The following SUGCT variants were observed in gnomAD, a reference collection of about 807,000 sequenced individuals.
SUGCT encodes the protein succinyl-CoA:glutarate CoA-transferase.
SUGCT carries 41 observed loss-of-function variants against 55.0 expected under a neutral mutation model. That is an observed-to-expected ratio of 0.74 (90% CI 0.58 to 0.97). SUGCT has a LOEUF of 0.97. Ranked by LOEUF, SUGCT falls within the 50% of genes least tolerant of loss-of-function variation. SUGCT has a pLI of 0.00. For missense variants in SUGCT, 568 were observed against 547.8 expected (o/e 1.04, Z -0.37); for synonymous variants, 187 against 200.4 (o/e 0.93, Z 0.56).
chr7:40,908,339 C>T, the SUGCT span, among the ~76,000 whole-genome samples: 5 of 147,256 alleles, frequency 3.4e-5, no homozygotes, highest in South Asian at 2.2e-4. Flanking sequence ...GCTGAGATCA[C>T]GCCACTGCAT....
the SUGCT span, among the ~76,000 whole-genome samples, chr7:40,967,770 G>A: frequency 2.0e-5 from 3 of 151,464 alleles, no homozygotes; most frequent in East Asian, 1.9e-4. Flanking sequence ...AGAGGTGCCC[G>A]CCACCACGCC....
chr7:40,365,969 CA>C (rs1435523922), intron 9 of SUGCT, among the ~76,000 whole-genome samples: 1 of 152,108 alleles, frequency 6.6e-6, no homozygotes, highest in African/African-American at 2.4e-5. Context: ...AATCCTAAGC[CA>C]AAAGAACAAA....
chr7:40,677,710 A>G (rs1299264153), intron 12 of SUGCT, among the ~76,000 whole-genome samples: 1 of 152,240 alleles, frequency 6.6e-6, no homozygotes, highest in African/African-American at 2.4e-5. Context: ...AAAGATCTCT[A>G]TAGCAGGAGT....
At chr7:40,148,721 A>G (rs117388386) in intron 1 of SUGCT, among the ~76,000 whole-genome samples, 1,547 of 152,302 alleles carry the variant, frequency 0.01, 13 homozygotes, top group Non-Finnish European at 0.016. Context: ...CTCCTATACC[A>G]TCTTGAAGTT....
the SUGCT span, among the ~76,000 whole-genome samples, chr7:40,920,939 G>C: frequency 6.6e-6 from 1 of 152,254 alleles, no homozygotes; most frequent in Non-Finnish European, 1.5e-5. Flanking sequence ...TTAAATTGCA[G>C]TCCCATTGCT....
At chr7:40,153,548 C>A in intron 1 of SUGCT, 1 of 450,942 alleles carries the variant, frequency 2.2e-6, no homozygotes, top group Non-Finnish European at 4.3e-6. Context: ...CATTTTGGAC[C>A]TATGGGCACA....
intron 9 of SUGCT, among the ~76,000 whole-genome samples, chr7:40,337,959 C>G (rs1435363380): frequency 2.0e-5 from 3 of 152,058 alleles, no homozygotes; most frequent in Non-Finnish European, 4.4e-5. Context: ...GACAAAATCT[C>G]TCAGCATTTG....
intron 1 of SUGCT, among the ~76,000 whole-genome samples, chr7:40,144,041 T>C (rs1788120599): frequency 2.0e-5 from 3 of 152,188 alleles, no homozygotes; most frequent in African/African-American, 4.8e-5. Flanking sequence ...TCTTTAGTGG[T>C]CCACAGAATG....
At chr7:40,315,352 T>C (rs1434258314) in intron 8 of SUGCT, among the ~76,000 whole-genome samples, 3 of 152,208 alleles carry the variant, frequency 2.0e-5, no homozygotes, top group Non-Finnish European at 4.4e-5. Flanking sequence ...ATCTGTGAAA[T>C]GGTGATTAGC....
chr7:40,717,130 T>TG (rs1427637017), intron 12 of SUGCT, among the ~76,000 whole-genome samples: 1 of 152,214 alleles, frequency 6.6e-6, no homozygotes, highest in Admixed American at 6.5e-5. Context: ...CTTGAATGTA[T>TG]GCTGAGGAAA....
intron 13 of SUGCT, among the ~76,000 whole-genome samples, chr7:40,772,053 C>T (rs1789130831): frequency 6.6e-6 from 1 of 152,120 alleles, no homozygotes; most frequent in South Asian, 2.1e-4. Context: ...GTTGTCCAAG[C>T]ATAATTATTA....
intron 12 of SUGCT, among the ~76,000 whole-genome samples, chr7:40,553,934 C>T (rs1410206169): frequency 3.9e-5 from 6 of 152,202 alleles, no homozygotes; most frequent in African/African-American, 1.2e-4. Flanking sequence ...TCATGTTCCT[C>T]ACCTGTAAAA....
intron 12 of SUGCT, among the ~76,000 whole-genome samples, chr7:40,702,299 C>T (rs866690900): frequency 2.3e-4 from 35 of 152,202 alleles, no homozygotes; most frequent in African/African-American, 8.2e-4. Flanking sequence ...AATCTAGTTT[C>T]TAACCTCTCA....
intron 8 of SUGCT, among the ~76,000 whole-genome samples, chr7:40,298,012 T>C (rs1055757686): frequency 3.3e-5 from 5 of 152,024 alleles, no homozygotes; most frequent in Non-Finnish European, 7.4e-5. Context: ...GTTCATGTCC[T>C]TCCTTTCCTT....
the SUGCT span, among the ~76,000 whole-genome samples, chr7:40,996,487 A>G: frequency 1.3e-5 from 2 of 152,182 alleles, no homozygotes; most frequent in African/African-American, 4.8e-5. Flanking sequence ...ACACACTGCA[A>G]GAGCTGGACA....
At chr7:40,149,900 C>T (rs1175084388) in intron 1 of SUGCT, among the ~76,000 whole-genome samples, 1 of 152,068 alleles carries the variant, frequency 6.6e-6, no homozygotes. Context: ...GCCTGGGCAA[C>T]AAGAGCAAAA....
intron 12 of SUGCT, among the ~76,000 whole-genome samples, chr7:40,743,077 A>G (rs193250839): frequency 1.3e-5 from 2 of 152,274 alleles, no homozygotes; most frequent in East Asian, 3.9e-4. Context: ...GCTTTCCTTT[A>G]TCGATAATGA....
intron 9 of SUGCT, among the ~76,000 whole-genome samples, chr7:40,322,633 G>A (rs551909895): frequency 2.7e-4 from 41 of 152,208 alleles, no homozygotes; most frequent in Non-Finnish European, 4.4e-4. Flanking sequence ...CCAAGAGGCC[G>A]GTCTTGAGAA....
At chr7:40,828,547 T>C (rs1792474036) in intron 13 of SUGCT, among the ~76,000 whole-genome samples, 2 of 145,552 alleles carry the variant, frequency 1.4e-5, no homozygotes, top group African/African-American at 2.6e-5. Context: ...ATTACCGTTA[T>C]ATTCTAAACT....
Sources: gnomAD v4.1 joint callset for allele counts (sites outside exome capture counted in the v4.1 genomes callset) on GRCh38, gnomAD v4.1.1 for gene constraint, MANE v1.5 for transcripts, NCBI Gene and HGNC (gene_info 2026-07-23, HGNC 2026-07-21) for gene names.